The following FLRT2 variants were observed in gnomAD, a reference collection of about 807,000 sequenced individuals.
FLRT2 encodes leucine-rich repeat transmembrane protein FLRT2.
Under a neutral mutation model 40.0 loss-of-function variants are expected in FLRT2, and 15 were observed. That is an observed-to-expected ratio of 0.38 (90% confidence interval 0.25 to 0.58). The LOEUF (loss-of-function observed/expected upper bound fraction) is 0.58, where lower values mean the gene tolerates loss of function less well. Among genes scored for constraint, FLRT2 ranks in the 20% least tolerant of loss-of-function variants. FLRT2 has a pLI of 0.71. For synonymous variants in FLRT2, 380 were observed against 336.8 expected (o/e 1.13, Z -1.41); for missense variants, 726 against 840.0 (o/e 0.86, Z 1.68).
In FLRT2 at chr14:85,603,004, T is replaced by C. The variant is rs539856878; in HGVS notation, c.-376-18135T>C. Reference sequence around the variant, plus strand: ...GGGAATGTGAAAAGTATAAATGAAGTTTATCTTAAATGCCCTGTTCTCTTC... The same window carrying C: ...GGGAATGTGAAAAGTATAAATGAAGCTTATCTTAAATGCCCTGTTCTCTTC... On this transcript the variant is annotated intron_variant, in intron 1 of 1. Transcript: ENST00000330753. Among the ~76,000 whole-genome samples, 5 of 152,304 alleles carry C rather than the reference T, an allele frequency of 3.3e-5. No individual in the cohort carries two copies. The East Asian group carries it at 7.7e-4, about 24-fold the overall frequency.
At chr14:85,595,920 A>C (rs982769696) in intron 1 of FLRT2, among the ~76,000 whole-genome samples, 1 of 152,178 alleles carries the variant, frequency 6.6e-6, no homozygotes, top group African/African-American at 2.4e-5. Context: ...GCGGGCAAGA[A>C]GTGATCGTGT....
chr14:85,619,241 A>G (rs1290172529), intron 1 of FLRT2, among the ~76,000 whole-genome samples: 2 of 151,730 alleles, frequency 1.3e-5, no homozygotes, highest in Non-Finnish European at 2.9e-5. Flanking sequence ...ATACCACCGC[A>G]CCTGGCTAAT....
chr14:85,593,708 T>C (rs1471161193), intron 1 of FLRT2, among the ~76,000 whole-genome samples: 1 of 152,208 alleles, frequency 6.6e-6, no homozygotes, highest in Non-Finnish European at 1.5e-5. Flanking sequence ...TTTTCCCCTT[T>C]AATTGAAACA....
intron 1 of FLRT2, among the ~76,000 whole-genome samples, chr14:85,585,338 C>T (rs1003364768): frequency 5.3e-5 from 8 of 152,118 alleles, no homozygotes; most frequent in African/African-American, 1.9e-4. Flanking sequence ...TGGTTCATCC[C>T]AGACTATTCT....
chr14:85,549,043 G>A (rs1889449197), intron 1 of FLRT2, among the ~76,000 whole-genome samples: 1 of 152,080 alleles, frequency 6.6e-6, no homozygotes, highest in Admixed American at 6.5e-5. Flanking sequence ...CAAACTCCAG[G>A]GGAAGACCAC....
rs775096180 is a variant in FLRT2 at position 85,637,459 on chromosome 14, A to G, written c.*13962A>G. ...CACCTACCACAGTGTTGGTGTGAAG[A>G]CTCATTTAAAGTTACTAGCACAGTG... On this transcript the variant is annotated 3_prime_UTR_variant, in exon 2 of 2. Coordinates refer to ENST00000330753, the MANE Select transcript of FLRT2 (RefSeq NM_013231.6). 34 of 152,132 alleles carry G rather than the reference A, an allele frequency of 2.2e-4. No individual in the cohort carries two copies. The highest frequency in any genetic ancestry group is 3.3e-4 in the Admixed American group (5 of 15,268). 9.4% of individuals were successfully genotyped at this position (152,132 alleles called of 1,614,324 possible). A position where few individuals can be genotyped will look rare whatever the true frequency, so the allele number is the denominator to read the frequency against.
chr14:85,578,627 G>A (rs1007620376), intron 1 of FLRT2, among the ~76,000 whole-genome samples: 12 of 152,284 alleles, frequency 7.9e-5, no homozygotes, highest in African/African-American at 2.4e-4. Context: ...AGTCATCGTA[G>A]CATCGTGGGG....
chr14:85,547,761 G>T (rs1018094232), intron 1 of FLRT2, among the ~76,000 whole-genome samples: 2 of 152,152 alleles, frequency 1.3e-5, no homozygotes, highest in East Asian at 3.9e-4. Context: ...GAGGTCCTGA[G>T]GACGTGTGCC....
chr14:85,615,149 A>G (rs899581189), intron 1 of FLRT2, among the ~76,000 whole-genome samples: 1 of 152,186 alleles, frequency 6.6e-6, no homozygotes. Context: ...GAGGCCACCC[A>G]GTCCTGCAGT....
intron 1 of FLRT2, among the ~76,000 whole-genome samples, chr14:85,599,200 G>T (rs1328858192): frequency 6.9e-6 from 1 of 145,916 alleles, no homozygotes; most frequent in South Asian, 2.2e-4. Flanking sequence ...GATTACAGGC[G>T]TGAGCCGCTG....
chr14:85,598,915 G>GA (rs1212584195), intron 1 of FLRT2, among the ~76,000 whole-genome samples: 1 of 87,262 alleles, frequency 1.1e-5, no homozygotes, highest in Non-Finnish European at 2.3e-5. Context: ...GAAATGGGAT[G>GA]GTTTTTTTTT....
At chr14:85,619,516 C>A (rs1051757012) in intron 1 of FLRT2, among the ~76,000 whole-genome samples, 1 of 152,172 alleles carries the variant, frequency 6.6e-6, no homozygotes, top group Non-Finnish European at 1.5e-5. Flanking sequence ...TCATCGAAGG[C>A]ATTTTTTGAG....
intron 1 of FLRT2, among the ~76,000 whole-genome samples, chr14:85,613,666 A>T (rs1892998349): frequency 6.6e-6 from 1 of 152,202 alleles, no homozygotes; most frequent in Admixed American, 6.5e-5. Context: ...CAGATCTTGA[A>T]TGCCTGCCAC....
chr14:85,537,909 T>C (rs1766989073), intron 1 of FLRT2, among the ~76,000 whole-genome samples: 1 of 151,850 alleles, frequency 6.6e-6, no homozygotes, highest in Non-Finnish European at 1.5e-5. Context: ...CTTTGATTCC[T>C]TCTACTGTGG....
Position 85,582,641 on chromosome 14 carries a change from T to C in FLRT2, c.-376-38498T>C, listed in dbSNP as rs538699427. 4.6e-5 allele frequency among the ~76,000 whole-genome samples: 7 copies of C among 152,140 alleles called. No homozygotes were observed. In the South Asian group the frequency reaches 1.5e-3, roughly 32 times the overall value. Reference sequence around the variant, plus strand: ...AAGACATCTCAAATAAGGTGCCTGGTACGTAGTTAGGCACTCAGTAAACCA... The same window carrying C: ...AAGACATCTCAAATAAGGTGCCTGGCACGTAGTTAGGCACTCAGTAAACCA... On this transcript the variant is annotated intron_variant, in intron 1 of 1. Coordinates refer to ENST00000330753, the MANE Select transcript of FLRT2 (RefSeq NM_013231.6).
intron 1 of FLRT2, among the ~76,000 whole-genome samples, chr14:85,552,272 C>T (rs560939090): frequency 2.0e-5 from 3 of 152,258 alleles, no homozygotes; most frequent in Admixed American, 1.3e-4. Flanking sequence ...TAGGTACCTT[C>T]GCTGCTTCAT....
Position 85,623,553 on chromosome 14 carries a change from G to T in FLRT2, c.*56G>T, listed in dbSNP as rs1017588700. ...CAATTAGACTCTTGAGAACACACTC[G>T]TGTGTGCACATAAAGACACGCAGAT... On this transcript the variant is annotated 3_prime_UTR_variant, in exon 2 of 2. Transcript: ENST00000330753. 7.5e-7 allele frequency: 1 copy of T among 1,330,032 alleles called. No homozygotes were observed. The highest frequency in any genetic ancestry group is 9.8e-7 in the Non-Finnish European group (1 of 1,016,784). The allele number at this position is 1,330,032 out of a possible 1,614,324, so 82.4% of individuals were successfully genotyped here.
At chr14:85,542,204 T>G (rs1389617379) in intron 1 of FLRT2, among the ~76,000 whole-genome samples, 1 of 152,186 alleles carries the variant, frequency 6.6e-6, no homozygotes, top group Non-Finnish European at 1.5e-5. Context: ...AGGAACTTCT[T>G]ACTGTTTCTA....
At chr14:85,563,126 A>G (rs1890447988) in intron 1 of FLRT2, 1 of 152,026 alleles carries the variant, frequency 6.6e-6, no homozygotes, top group African/African-American at 2.4e-5. Context: ...TAAAAGGAAC[A>G]CATACTAAGT....
Sources: allele counts gnomAD v4.1 joint callset (sites outside exome capture counted in the v4.1 genomes callset), GRCh38; gene constraint gnomAD v4.1.1; transcripts MANE v1.5; gene names NCBI Gene and HGNC (gene_info 2026-07-23, HGNC 2026-07-21).